The following PARD6A variants were observed in gnomAD, a reference collection of about 807,000 sequenced individuals.
PARD6A encodes the protein partitioning defective 6 homolog alpha.
A neutral mutation model predicts 21.3 loss-of-function variants in PARD6A; 20 were observed. The ratio of observed to expected loss-of-function variants is 0.94; its 90% CI spans 0.66 to 1.36. PARD6A has a LOEUF of 1.36. PARD6A is among the 40% of genes most tolerant of loss of function. The probability of loss-of-function intolerance (pLI) is 0.00; values close to 1 mark genes in which losing one functional copy is unlikely to be tolerated. For synonymous variants in PARD6A, 214 were observed against 204.8 expected, an observed-to-expected ratio of 1.04 and a Z score of -0.38; for missense variants, 411 against 482.0, an observed-to-expected ratio of 0.85 and a Z score of 1.38.
rs1190510640 is a variant in PARD6A, at chr16:67,662,641, CCT to C, written c.1035_1036del (p.Ter346ThrfsTer?). 1.3e-6 allele frequency: 2 copies of C among 1,563,884 alleles called. No individual in the cohort carries two copies. Among genetic ancestry groups the C allele is most frequent in the Non-Finnish European group, 1.7e-6 (2 of 1,154,184 alleles). On this transcript the variant is annotated frameshift_variant, in exon 3 of 3. Transcript: ENST00000458121. LOFTEE classifies it high-confidence loss of function. The surrounding 1 kb of genome is among the most constrained non-coding windows in gnomAD (Gnocchi z 6.9). The part of the protein sequence containing the change: ...RIRGDGSGFS[L>X] ...TTCGAGGAGATGGTAGTGGCTTCAG[CCT>C]CTGACAGTCAGGATGAAGCCCCATG...
rs1432213925 is a variant in PARD6A, at chr16:67,661,397, G to T, written c.64-58G>T. 23 of 1,583,176 alleles carry T rather than the reference G, an allele frequency of 1.5e-5. No homozygotes were observed. The highest frequency in any genetic ancestry group is 2.0e-5 in the Non-Finnish European group (23 of 1,170,866). On this transcript the variant is annotated intron_variant, in intron 1 of 2. Coordinates refer to ENST00000458121, the MANE Select transcript of PARD6A (RefSeq NM_001037281.2). The surrounding 1 kb of genome is among the most constrained non-coding windows in gnomAD (Gnocchi z 7.0). ...ATCTTTCCCATTCCTGCCAGCCTGC[G>T]GTGAGAAAGGGGCGCAGGCTGTCCT...
At position 67,661,816 on chromosome 16, in the gene PARD6A, A is replaced by C. The variant is rs2142980549; in HGVS notation, c.287-80A>C. On this transcript the variant is annotated intron_variant, in intron 2 of 2. Transcript: ENST00000458121. This position sits in a 1 kb window ranked among gnomAD's most constrained non-coding sequence, Gnocchi z 7.0. ...TTGGCTTGACCTCTAAGTGGTAGGA[A>C]ATAGCTACAGTGCCCCCTGTAAACA... is the stretch of plus-strand genomic sequence containing the variant. 6.5e-7 allele frequency: 1 copy of C among 1,535,904 alleles called. No individual in the cohort carries two copies. Among genetic ancestry groups the C allele is most frequent in the Non-Finnish European group, 8.7e-7 (1 of 1,148,872 alleles).
Position 67,661,160 on chromosome 16 carries a change from C to A in PARD6A, c.63+59C>A. The stretch of plus-strand genomic sequence containing the variant: ...CCCAATTCCCTCTTTCTCCCCTTCC[C>A]AGCTCCTTGGTCCCCGCCACCTCTT... On this transcript the variant is annotated intron_variant, in intron 1 of 2. Coordinates refer to ENST00000458121, the MANE Select transcript of PARD6A (RefSeq NM_001037281.2). The surrounding 1 kb of genome is among the most constrained non-coding windows in gnomAD (Gnocchi z 7.0). The A allele has an allele frequency of 7.1e-7, 1 of 1,415,096 alleles. No homozygotes were observed. The highest frequency in any genetic ancestry group is 1.1e-5 in the South Asian group (1 of 87,160). 87.7% of individuals were successfully genotyped at this position (1,415,096 alleles called of 1,614,324 possible). A position where few individuals can be genotyped will look rare whatever the true frequency, so the allele number is the denominator to read the frequency against.
chr16:67,661,108 G>A lies in PARD6A; in HGVS notation c.63+7G>A, dbSNP rs1567644023. The A allele has an allele frequency of 3.1e-6, 5 of 1,608,092 alleles. No homozygotes were observed. In the South Asian group the frequency reaches 5.5e-5, roughly 18 times the overall value. ...CGTCGAGGTGAAGAGCAAAGTAAGG[G>A]CTCCTCCGGCCTCGGCCCTAGGCGC... On this transcript the variant is annotated splice_region_variant and intron_variant, in intron 1 of 2. Transcript: ENST00000458121. The surrounding 1 kb of genome is among the most constrained non-coding windows in gnomAD (Gnocchi z 7.0).
Position 67,661,348 on chromosome 16 carries a change from G to C in PARD6A, c.64-107G>C. 6.9e-7 allele frequency: 1 copy of C among 1,458,424 alleles called. No individual in the cohort carries two copies. The highest frequency in any genetic ancestry group is 9.1e-7 in the Non-Finnish European group (1 of 1,099,080). 90.3% of individuals were successfully genotyped at this position (1,458,424 alleles called of 1,614,324 possible). On this transcript the variant is annotated intron_variant, in intron 1 of 2. Coordinates refer to ENST00000458121, the MANE Select transcript of PARD6A (RefSeq NM_001037281.2). This position sits in a 1 kb window ranked among gnomAD's most constrained non-coding sequence, Gnocchi z 7.0. ...TACTGGAGCTGAGGTCTGGGCTTAA[G>C]GCTGCCGCAAAAGCGGCAGCCGCAT...
rs751017242 is a variant in PARD6A, at chr16:67,662,058, T to C, written c.449T>C (p.Leu150Pro). The C allele has an allele frequency of 6.2e-7, 1 of 1,613,952 alleles. No homozygotes were observed. Among genetic ancestry groups the C allele is most frequent in the South Asian group, 1.1e-5 (1 of 91,082 alleles). Residue 150 changes from leucine to proline, a missense_variant, in exon 3 of 3, where the codon CTG (leucine) becomes CCG (proline). By Grantham distance (98) the Leu-to-Pro change is moderately conservative (BLOSUM62 -3). Transcript: ENST00000458121. The surrounding 1 kb of genome is among the most constrained non-coding windows in gnomAD (Gnocchi z 6.9). ...TCCTCAGTCATAGACGTGGACCTAC[T>C]GCCTGAGACCCACCGACGGGTGCGG... ...QVSSVIDVDLLPETHRRVRLH... is the reference protein window; with the variant it reads ...QVSSVIDVDLPPETHRRVRLH...
At position 67,661,331 on chromosome 16, in the gene PARD6A, C is replaced by A; in HGVS notation, c.64-124C>A. 7.5e-7 allele frequency: 1 copy of A among 1,334,014 alleles called. No homozygotes were observed. The highest frequency in any genetic ancestry group is 1.0e-6 in the Non-Finnish European group (1 of 992,348). The allele number at this position is 1,334,014 out of a possible 1,614,324, so 82.6% of individuals were successfully genotyped here. Reference sequence around the variant, plus strand: ...TTGGACAGCGTCCCTGGTACTGGAGCTGAGGTCTGGGCTTAAGGCTGCCGC... The same window carrying A: ...TTGGACAGCGTCCCTGGTACTGGAGATGAGGTCTGGGCTTAAGGCTGCCGC... On this transcript the variant is annotated intron_variant, in intron 1 of 2. Transcript: ENST00000458121. This position sits in a 1 kb window ranked among gnomAD's most constrained non-coding sequence, Gnocchi z 7.0.
Position 67,662,323 on chromosome 16 carries a change from C to G in PARD6A, c.714C>G (p.Ser238Arg), listed in dbSNP as rs1266503691. 6.2e-7 allele frequency: 1 copy of G among 1,614,004 alleles called. No individual in the cohort carries two copies. The highest frequency in any genetic ancestry group is 8.5e-7 in the Non-Finnish European group (1 of 1,180,046). Residue 238 changes from serine to arginine, a missense_variant, in exon 3 of 3, where the codon AGC becomes AGG. Coordinates refer to ENST00000458121, the MANE Select transcript of PARD6A (RefSeq NM_001037281.2). The surrounding 1 kb of genome is among the most constrained non-coding windows in gnomAD (Gnocchi z 6.9). Reference protein sequence around the residue: ...DQVTDMMVANSHNLIVTVKPA... With the variant: ...DQVTDMMVANRHNLIVTVKPA... ...TGACGGACATGATGGTTGCCAACAG[C>G]CATAACCTCATTGTCACTGTCAAGC...
chr16:67,662,520 G>A lies in PARD6A; in HGVS notation c.911G>A (p.Trp304Ter). The change falls in exon 3 of 3, where the codon TGG (tryptophan) becomes TAG (stop). Residue 304 changes from tryptophan to a stop codon, truncating the protein, a stop_gained. Transcript: ENST00000458121. LOFTEE classifies it high-confidence loss of function. The surrounding 1 kb of genome is among the most constrained non-coding windows in gnomAD (Gnocchi z 6.9). ...SNGLSQGPPCWDLHPGCRHPG... is the reference protein window; with the variant it reads ...SNGLSQGPPC ...GGGCTGTCTCAGGGGCCCCCGTGCT[G>A]GGACCTGCACCCTGGCTGCCGACAT... 1 of 1,613,354 alleles carries A rather than the reference G, an allele frequency of 6.2e-7. No individual in the cohort carries two copies. The highest frequency in any genetic ancestry group is 8.5e-7 in the Non-Finnish European group (1 of 1,180,016).
chr16:67,662,307 T>C lies in PARD6A; in HGVS notation c.698T>C (p.Met233Thr). The C allele has an allele frequency of 1.2e-6, 2 of 1,614,038 alleles. No individual in the cohort carries two copies. Among genetic ancestry groups the C allele is most frequent in the Non-Finnish European group, 1.7e-6 (2 of 1,180,026 alleles). Reference sequence around the variant, plus strand: ...AAGACCTTGGACCAAGTGACGGACATGATGGTTGCCAACAGCCATAACCTC... The same window carrying C: ...AAGACCTTGGACCAAGTGACGGACACGATGGTTGCCAACAGCCATAACCTC... ...AGKTLDQVTD[M>T]MVANSHNLIV... Residue 233 changes from methionine to threonine, a missense_variant, in exon 3 of 3, where the codon ATG (methionine) becomes ACG (threonine). Coordinates refer to ENST00000458121, the MANE Select transcript of PARD6A (RefSeq NM_001037281.2). This position sits in a 1 kb window ranked among gnomAD's most constrained non-coding sequence, Gnocchi z 6.9.
Position 67,662,262 on chromosome 16 carries a change from A to G in PARD6A, c.653A>G (p.Asn218Ser). The G allele has an allele frequency of 5.0e-6, 8 of 1,614,142 alleles. No individual in the cohort carries two copies. The highest frequency in any genetic ancestry group is 1.1e-5 in the South Asian group (1 of 91,086). ...GTCAGTGATGAGATCCTCGAGGTCAATGGCATTGAAGTAGCCGGGAAGACC... is the reference window on the plus strand; with the variant it reads ...GTCAGTGATGAGATCCTCGAGGTCAGTGGCATTGAAGTAGCCGGGAAGACC... ...LAVSDEILEV[N>S]GIEVAGKTLD... Residue 218 changes from asparagine (N) to serine (S), a missense_variant, in exon 3 of 3, where the codon AAT becomes AGT. By Grantham distance (46) the Asn-to-Ser change is conservative. Transcript: ENST00000458121. The surrounding 1 kb of genome is among the most constrained non-coding windows in gnomAD (Gnocchi z 6.9).
chr16:67,661,599 C>A lies in PARD6A; in HGVS notation c.208C>A (p.Pro70Thr). The A allele has an allele frequency of 6.2e-7, 1 of 1,609,412 alleles. No homozygotes were observed. Among genetic ancestry groups the A allele is most frequent in the South Asian group, 1.1e-5 (1 of 91,086 alleles). The change falls in exon 2 of 3, where the codon CCC becomes ACC. Residue 70 changes from proline (P) to threonine (T), a missense_variant. Coordinates refer to ENST00000458121, the MANE Select transcript of PARD6A (RefSeq NM_001037281.2). The surrounding 1 kb of genome is among the most constrained non-coding windows in gnomAD (Gnocchi z 7.0). The stretch of plus-strand genomic sequence containing the variant: ...TACGGATGCTCATGGCGACCTGCTG[C>A]CCCTCACCAACGACGACAGCCTGCA... ...GYTDAHGDLL[P>T]LTNDDSLHRA...
chr16:67,661,656 C>T lies in PARD6A; in HGVS notation c.265C>T (p.Arg89Cys). 1 of 1,608,806 alleles carries T rather than the reference C, an allele frequency of 6.2e-7. No homozygotes were observed. Among genetic ancestry groups the T allele is most frequent in the Non-Finnish European group, 8.5e-7 (1 of 1,179,788 alleles). Residue 89 changes from arginine to cysteine, a missense_variant, in exon 2 of 3, where the codon CGC becomes TGC. Transcript: ENST00000458121. The surrounding 1 kb of genome is among the most constrained non-coding windows in gnomAD (Gnocchi z 7.0). The part of the protein sequence containing the change: ...RALASGPPPL[R>C]LLVQKREADS... ...CCTGGCCAGCGGGCCCCCGCCACTG[C>T]GCCTACTGGTGCAGAAGCGGGGTGA...
Position 67,661,790 on chromosome 16 carries a change from C to A in PARD6A, c.287-106C>A. On this transcript the variant is annotated intron_variant, in intron 2 of 2. Transcript: ENST00000458121. The surrounding 1 kb of genome is among the most constrained non-coding windows in gnomAD (Gnocchi z 7.0). ...AGCGTCACCCTCTGCAGTCCCTGCCCTTGGCTTGACCTCTAAGTGGTAGGA... is the reference window on the plus strand; with the variant it reads ...AGCGTCACCCTCTGCAGTCCCTGCCATTGGCTTGACCTCTAAGTGGTAGGA... 1 of 1,542,446 alleles carries A rather than the reference C, an allele frequency of 6.5e-7. No homozygotes were observed. Among genetic ancestry groups the A allele is most frequent in the South Asian group, 1.2e-5 (1 of 81,224 alleles).
At position 67,662,682 on chromosome 16, in the gene PARD6A, C is replaced by A; in HGVS notation, c.*35C>A. 1.3e-6 allele frequency: 2 copies of A among 1,496,026 alleles called. No individual in the cohort carries two copies. The highest frequency in any genetic ancestry group is 1.8e-6 in the Non-Finnish European group (2 of 1,123,322). The allele number at this position is 1,496,026 out of a possible 1,614,324, so 92.7% of individuals were successfully genotyped here. The stretch of plus-strand genomic sequence containing the variant: ...TGAAGCCCCATGCCACTCCACACTG[C>A]TGGGACATGGCAGGGACTTCACAGT... On this transcript the variant is annotated 3_prime_UTR_variant, in exon 3 of 3. Coordinates refer to ENST00000458121, the MANE Select transcript of PARD6A (RefSeq NM_001037281.2). This position sits in a 1 kb window ranked among gnomAD's most constrained non-coding sequence, Gnocchi z 6.9.
At position 67,661,688 on chromosome 16, in the gene PARD6A, G is replaced by T. The variant is rs779870155; in HGVS notation, c.286+11G>T. 7 of 1,604,816 alleles carry T rather than the reference G, an allele frequency of 4.4e-6. No homozygotes were observed. Among genetic ancestry groups the T allele is most frequent in the African/African-American group, 1.3e-5 (1 of 74,926 alleles). ...TGGTGCAGAAGCGGGGTGAGGAGGG[G>T]TACAGTGGGCAGCCTCTGTGGGGTA... On this transcript the variant is annotated intron_variant, in intron 2 of 2. Transcript: ENST00000458121. The surrounding 1 kb of genome is among the most constrained non-coding windows in gnomAD (Gnocchi z 7.0).
At position 67,662,006 on chromosome 16, in the gene PARD6A, A is replaced by G. The variant is rs2053028966; in HGVS notation, c.397A>G (p.Ser133Gly). The change falls in exon 3 of 3, where the codon AGC becomes GGC. Residue 133 changes from serine (S) to glycine (G), a missense_variant. Physicochemically the swap from Ser to Gly is moderately conservative, Grantham distance 56 (BLOSUM62 0). Coordinates refer to ENST00000458121, the MANE Select transcript of PARD6A (RefSeq NM_001037281.2). The surrounding 1 kb of genome is among the most constrained non-coding windows in gnomAD (Gnocchi z 6.9). ...GCGCACCCGGCCACCCTTGCTAATC[A>G]GCCTGCCCCAAGATTTCCGCCAGGT... ...PLRTRPPLLI[S>G]LPQDFRQVSS... is the part of the protein sequence containing the mutation. The G allele has an allele frequency of 1.2e-6, 2 of 1,613,700 alleles. No individual in the cohort carries two copies. Among genetic ancestry groups the G allele is most frequent in the Non-Finnish European group, 1.7e-6 (2 of 1,180,014 alleles).
rs1373015776 is a variant in PARD6A, at chr16:67,662,011, G to A, written c.402G>A (p.Leu134=). 6.2e-7 allele frequency: 1 copy of A among 1,613,770 alleles called. No individual in the cohort carries two copies. Among genetic ancestry groups the A allele is most frequent in the Non-Finnish European group, 8.5e-7 (1 of 1,180,030 alleles). The change falls in exon 3 of 3, where the codon CTG becomes CTA. Residue 134 remains leucine (L), a synonymous_variant. Transcript: ENST00000458121. The surrounding 1 kb of genome is among the most constrained non-coding windows in gnomAD (Gnocchi z 6.9). ...CCCGGCCACCCTTGCTAATCAGCCT[G>A]CCCCAAGATTTCCGCCAGGTTTCCT... ...LRTRPPLLIS[L]PQDFRQVSSV...
rs752935070 is a variant in PARD6A, at chr16:67,662,377, A to G, written c.768A>G (p.Arg256=). The G allele has an allele frequency of 1.2e-6, 2 of 1,614,058 alleles. No individual in the cohort carries two copies. Among genetic ancestry groups the G allele is most frequent in the South Asian group, 2.2e-5 (2 of 91,084 alleles). ...KPANQRNNVV[R]GASGRLTGPP... ...CCAACCAGCGCAATAACGTGGTGCGAGGGGCATCTGGGCGTTTGACAGGTC... is the reference window on the plus strand; with the variant it reads ...CCAACCAGCGCAATAACGTGGTGCGGGGGGCATCTGGGCGTTTGACAGGTC... The change falls in exon 3 of 3, where the codon CGA becomes CGG. Residue 256 remains arginine (R), a synonymous_variant. Coordinates refer to ENST00000458121, the MANE Select transcript of PARD6A (RefSeq NM_001037281.2). This position sits in a 1 kb window ranked among gnomAD's most constrained non-coding sequence, Gnocchi z 6.9.
Sources: allele counts gnomAD v4.1 joint callset, GRCh38; gene constraint gnomAD v4.1.1; non-coding constraint Gnocchi (gnomAD v3.1); transcripts MANE v1.5; gene names NCBI Gene and HGNC (gene_info 2026-07-23, HGNC 2026-07-21).